KLF12: variants seen among roughly 807,000 people sequenced by gnomAD.
KLF12 encodes Krueppel-like factor 12.
A neutral mutation model predicts 37.8 loss-of-function variants in KLF12; 9 were observed. The ratio of observed to expected loss-of-function variants is 0.24; its 90% confidence interval spans 0.14 to 0.42. KLF12 has a LOEUF of 0.42. Among genes scored for constraint, KLF12 ranks in the 10% least tolerant of loss-of-function variants. KLF12 has a pLI of 1.00. For missense variants in KLF12, 411 were observed against 516.0 expected (o/e 0.80, Z 1.97); for synonymous variants, 208 against 202.1 (o/e 1.03, Z -0.25).
the KLF12 span, among the ~76,000 whole-genome samples, chr13:74,202,543 T>A: frequency 6.6e-6 from 1 of 152,152 alleles, no homozygotes; most frequent in African/African-American, 2.4e-5. Context: ...TTTATTTATG[T>A]ATACTTGTGT....
At chr13:73,745,874 TTAAA>T (rs1291411307) in intron 6 of KLF12, among the ~76,000 whole-genome samples, 1 of 152,230 alleles carries the variant, frequency 6.6e-6, no homozygotes, top group African/African-American at 2.4e-5. Context: ...GTGGAAAAAG[TTAAA>T]TGACGTATCA....
At chr13:74,102,114 A>G (rs1038746373) in intron 1 of KLF12, among the ~76,000 whole-genome samples, 1 of 151,952 alleles carries the variant, frequency 6.6e-6, no homozygotes, top group Non-Finnish European at 1.5e-5. Context: ...GCTACTCGGG[A>G]AGCTGAGGCA....
At chr13:73,984,686 T>C (rs561219571) in intron 2 of KLF12, among the ~76,000 whole-genome samples, 34 of 152,360 alleles carry the variant, frequency 2.2e-4, no homozygotes, top group African/African-American at 8.2e-4. Flanking sequence ...CAAGTCCTTT[T>C]AAGTCCCATA....
At position 73,804,353 on chromosome 13, in the gene KLF12, T is replaced by G. The variant is rs375253281; in HGVS notation, c.806+8799A>C. 3.3e-5 allele frequency among the ~76,000 whole-genome samples: 5 copies of G among 152,314 alleles called. No individual in the cohort carries two copies. The South Asian group carries it at 8.3e-4, about 25-fold the overall frequency. On this transcript the variant is annotated intron_variant, in intron 5 of 7. Transcript: ENST00000377669. ...AGTTGAATAAATGAATTAATCACTCTTTGAAAGAATATATGACTTAATGTT... is the reference window on the plus strand; with the variant it reads ...AGTTGAATAAATGAATTAATCACTCGTTGAAAGAATATATGACTTAATGTT...
At chr13:74,196,096 C>A in the KLF12 span, among the ~76,000 whole-genome samples, 8 of 152,204 alleles carry the variant, frequency 5.3e-5, no homozygotes, top group Non-Finnish European at 1.2e-4. Context: ...TTACCAAGTG[C>A]AAAATGTTTC....
chr13:73,700,822 G>T (rs1874502536), intron 7 of KLF12, among the ~76,000 whole-genome samples: 1 of 152,104 alleles, frequency 6.6e-6, no homozygotes, highest in Non-Finnish European at 1.5e-5. Context: ...AAAAATTTGA[G>T]TAGCTACTGC....
the KLF12 span, among the ~76,000 whole-genome samples, chr13:74,275,929 C>CT: frequency 1.7e-5 from 2 of 119,092 alleles, no homozygotes; most frequent in East Asian, 2.4e-4. Context: ...TTCTTTCTTT[C>CT]TTCATTTGCT....
chr13:73,879,304 C>T (rs1886867576), intron 3 of KLF12, among the ~76,000 whole-genome samples: 1 of 152,176 alleles, frequency 6.6e-6, no homozygotes, highest in Admixed American at 6.5e-5. Flanking sequence ...AATGGGCCAG[C>T]TCAAATGTCA....
chr13:73,908,169 G>A (rs1481419020), intron 3 of KLF12, among the ~76,000 whole-genome samples: 2 of 152,038 alleles, frequency 1.3e-5, no homozygotes, highest in Non-Finnish European at 2.9e-5. Context: ...CTGGGAGGCC[G>A]AGGTGGGTGG....
At chr13:74,242,400 G>C in the KLF12 span, among the ~76,000 whole-genome samples, 1 of 152,192 alleles carries the variant, frequency 6.6e-6, no homozygotes, top group South Asian at 2.1e-4. Context: ...AGGAGAGAGA[G>C]AATGAGAACC....
the KLF12 span, among the ~76,000 whole-genome samples, chr13:74,233,364 C>T: frequency 4.3e-4 from 65 of 152,228 alleles, no homozygotes; most frequent in Non-Finnish European, 3.7e-4. Context: ...AAATGCATAC[C>T]TGTGGTGGGA....
chr13:74,116,278 T>A (rs888731719), intron 1 of KLF12, among the ~76,000 whole-genome samples: 1 of 152,092 alleles, frequency 6.6e-6, no homozygotes, highest in Non-Finnish European at 1.5e-5. Flanking sequence ...TCTTTGCTCC[T>A]AGGGAAAAAA....
chr13:73,823,011 T>C (rs1270143099), intron 4 of KLF12, among the ~76,000 whole-genome samples: 1 of 152,240 alleles, frequency 6.6e-6, no homozygotes, highest in East Asian at 1.9e-4. Flanking sequence ...AGTGATTTTG[T>C]GGTACACACA....
At chr13:74,301,614 C>G in the KLF12 span, among the ~76,000 whole-genome samples, 15 of 152,276 alleles carry the variant, frequency 9.9e-5, no homozygotes, top group African/African-American at 3.4e-4. Flanking sequence ...CAGTCAGACA[C>G]AGAAGAGCAA....
At chr13:73,783,862 C>T (rs775021621) in intron 5 of KLF12, among the ~76,000 whole-genome samples, 39 of 152,176 alleles carry the variant, frequency 2.6e-4, no homozygotes, top group African/African-American at 6.3e-4. Flanking sequence ...ACTGGCAAAC[C>T]GGACACAGTT....
the KLF12 span, among the ~76,000 whole-genome samples, chr13:74,151,007 A>G: frequency 6.6e-5 from 10 of 152,276 alleles, no homozygotes; most frequent in African/African-American, 2.4e-4. Context: ...AATTAAAAAG[A>G]TAAAACTCTT....
intron 2 of KLF12, among the ~76,000 whole-genome samples, chr13:73,945,648 CA>C (rs11404614): frequency 4.0e-5 from 6 of 150,140 alleles, no homozygotes; most frequent in East Asian, 3.9e-4. Context: ...AAGGAATCAA[CA>C]AAAAAAAAGC....
chr13:73,726,777 T>C (rs1403429869), intron 6 of KLF12, among the ~76,000 whole-genome samples: 3 of 152,232 alleles, frequency 2.0e-5, no homozygotes, highest in South Asian at 2.1e-4. Flanking sequence ...TGTAGACATA[T>C]GTTTTCAGAT....
At chr13:74,113,186 AAGG>A (rs1877083883) in intron 1 of KLF12, among the ~76,000 whole-genome samples, 1 of 152,234 alleles carries the variant, frequency 6.6e-6, no homozygotes, top group Non-Finnish European at 1.5e-5. Flanking sequence ...ATAAAGGTAG[AAGG>A]TGAGGCAGCA....
Sources: allele counts gnomAD v4.1 joint callset (sites outside exome capture counted in the v4.1 genomes callset), GRCh38; gene constraint gnomAD v4.1.1; transcripts MANE v1.5; gene names NCBI Gene and HGNC (gene_info 2026-07-23, HGNC 2026-07-21).